The following ZC3H13 variants were observed in gnomAD, a reference collection of about 807,000 sequenced individuals.
The protein encoded by ZC3H13 is zinc finger CCCH domain-containing protein 13.
A neutral mutation model predicts 204.1 loss-of-function variants in ZC3H13; 64 were observed. That is an observed-to-expected ratio of 0.31 (90% CI 0.26 to 0.39). The LOEUF (loss-of-function observed/expected upper bound fraction) is 0.39. ZC3H13 is among the 10% of genes least tolerant of loss of function. ZC3H13 has a pLI of 1.00. For missense variants in ZC3H13, 1,833 were observed against 2,082.7 expected, an observed-to-expected ratio of 0.88 and a Z score of 2.33; for synonymous variants, 667 against 693.7, an observed-to-expected ratio of 0.96 and a Z score of 0.60.
intron 8 of ZC3H13, among the ~76,000 whole-genome samples, chr13:45,998,261 T>C (rs1039596333): frequency 3.3e-5 from 5 of 152,158 alleles, no homozygotes; most frequent in Non-Finnish European, 7.4e-5. Flanking sequence ...CACAGTTAAG[T>C]GAGCCACACA....
rs148680576 is a variant in ZC3H13, at chr13:45,976,108, C to A, written c.1913-270G>T. The A allele has an allele frequency of 1.2e-4, 108 of 895,160 alleles. No homozygotes were observed. The African/African-American group carries it at 1.7e-3, about 14-fold the overall frequency. The allele number at this position is 895,160 out of a possible 1,614,324, so 55.5% of individuals were successfully genotyped here. On this transcript the variant is annotated intron_variant, in intron 11 of 18. Transcript: ENST00000679008. ...CCCCTCCCACTGATCAATCTTTGAT[C>A]TTTCTCTGCATGCTCCCTACCCTAC...
chr13:46,030,329 T>G (rs1470787906), intron 4 of ZC3H13, among the ~76,000 whole-genome samples: 1 of 152,242 alleles, frequency 6.6e-6, no homozygotes. Context: ...AAGGAAAGGA[T>G]GTTCCCTCTC....
At chr13:45,991,511 C>A (rs986724040) in intron 8 of ZC3H13, among the ~76,000 whole-genome samples, 1 of 152,146 alleles carries the variant, frequency 6.6e-6, no homozygotes, top group African/African-American at 2.4e-5. Context: ...GTCTTGAAAT[C>A]TGGTGAAAAT....
chr13:45,984,797 G>T (rs1954024687), intron 10 of ZC3H13, among the ~76,000 whole-genome samples: 1 of 152,136 alleles, frequency 6.6e-6, no homozygotes, highest in Admixed American at 6.5e-5. Flanking sequence ...AGTCATTTGG[G>T]TGATGGCAAA....
At chr13:46,009,859 T>C (rs1176462601) in intron 7 of ZC3H13, among the ~76,000 whole-genome samples, 1 of 152,054 alleles carries the variant, frequency 6.6e-6, no homozygotes, top group African/African-American at 2.4e-5. Context: ...GGAAACAACA[T>C]AAATGTTCCA....
At chr13:46,049,849 T>C (rs917850734) in intron 1 of ZC3H13, among the ~76,000 whole-genome samples, 5 of 152,188 alleles carry the variant, frequency 3.3e-5, no homozygotes, top group Non-Finnish European at 7.4e-5. Context: ...TACTAAAGTC[T>C]TTCCTATCAT....
intron 4 of ZC3H13, among the ~76,000 whole-genome samples, chr13:46,031,430 T>A (rs1440204657): frequency 1.3e-5 from 2 of 151,682 alleles, no homozygotes; most frequent in Non-Finnish European, 2.9e-5. Flanking sequence ...ATGAAAGAAA[T>A]AACTGATAAC....
intron 1 of ZC3H13, among the ~76,000 whole-genome samples, chr13:46,047,299 T>C (rs1290031892): frequency 6.6e-6 from 1 of 152,188 alleles, no homozygotes; most frequent in Non-Finnish European, 1.5e-5. Context: ...TAAAATGTAA[T>C]AATTCTTTTG....
intron 8 of ZC3H13, among the ~76,000 whole-genome samples, chr13:45,998,129 C>T (rs1382451915): frequency 6.6e-6 from 1 of 152,108 alleles, no homozygotes; most frequent in African/African-American, 2.4e-5. Context: ...GGAATTTAGA[C>T]ATTAACCTTT....
At chr13:45,980,405 T>C (rs988161060) in intron 10 of ZC3H13, among the ~76,000 whole-genome samples, 8 of 152,146 alleles carry the variant, frequency 5.3e-5, no homozygotes, top group South Asian at 2.1e-4. Context: ...CATTCCAACA[T>C]AGAACACCAA....
intron 9 of ZC3H13, 27 bp from the exon 10 acceptor site, chr13:45,985,788 G>A: frequency 6.5e-7 from 1 of 1,547,726 alleles, no homozygotes; most frequent in Non-Finnish European, 8.7e-7. Context: ...GAAATTGACT[G>A]TAATTGCTTT....
chr13:46,010,325 A>C, intron 7 of ZC3H13, 23 bp downstream of exon 7: 1 of 1,531,464 alleles, frequency 6.5e-7, no homozygotes. Context: ...TATTTTCTCG[A>C]TACTATTTAT....
In ZC3H13 at chr13:45,967,896, T is replaced by G. The variant is rs1952229119; in HGVS notation, c.3929A>C (p.Glu1310Ala). 1 of 1,614,042 alleles carries G rather than the reference T, an allele frequency of 6.2e-7. No individual in the cohort carries two copies. Among genetic ancestry groups the G allele is most frequent in the Non-Finnish European group, 8.5e-7 (1 of 1,179,964 alleles). ...QERDRYEHDR[E>A]RERERRDTRQ... ...CGTATCTCTCCTCTCTCTCTCGCGC[T>G]CTCTGTCGTGTTCATATCGATCTCG... The change falls in exon 15 of 19, where the codon GAG becomes GCG. Residue 1310 changes from glutamate to alanine, a missense_variant. This residue lies in a region of ZC3H13 where 1,574 missense variants were observed against 1,757.2 expected (regional missense o/e 0.90). Coordinates refer to ENST00000679008, the MANE Select transcript of ZC3H13 (RefSeq NM_001330564.2).
At chr13:46,032,372 A>G (rs536780819) in intron 4 of ZC3H13, among the ~76,000 whole-genome samples, 2,128 of 147,682 alleles carry the variant, frequency 0.014, 59 homozygotes, top group African/African-American at 0.049. Flanking sequence ...CAAAAAAAAA[A>G]AAAAAAACAG....
chr13:46,016,477 A>G (rs2041915702), intron 5 of ZC3H13, among the ~76,000 whole-genome samples: 2 of 152,198 alleles, frequency 1.3e-5, no homozygotes, highest in Non-Finnish European at 2.9e-5. Flanking sequence ...AGCTAGGCAC[A>G]AAAAGAGTAC....
Position 45,985,784 on chromosome 13 carries a change from G to A in ZC3H13, c.1256-23C>T, listed in dbSNP as rs1954130922. 38 of 1,555,882 alleles carry A rather than the reference G, an allele frequency of 2.4e-5. No homozygotes were observed. In the East Asian group the frequency reaches 8.6e-4, roughly 35 times the overall value. On this transcript the variant is annotated intron_variant, in intron 9 of 18. Transcript: ENST00000679008. ...TATCTGTAATGCAATTTTGGAAATT[G>A]ACTGTAATTGCTTTTACAAAGTTTC...
At chr13:45,968,112 C>T (rs1952247441) in intron 14 of ZC3H13, 84 bp from the exon 15 acceptor site, 5 of 1,375,128 alleles carry the variant, frequency 3.6e-6, no homozygotes, top group African/African-American at 2.9e-5. Flanking sequence ...TCCTTTAAAA[C>T]ATAATTTACC....
Position 45,985,588 on chromosome 13 carries a change from G to A in ZC3H13, c.1429C>T (p.Arg477Trp), listed in dbSNP as rs768273440. The A allele has an allele frequency of 1.9e-6, 3 of 1,613,692 alleles. No individual in the cohort carries two copies. The highest frequency in any genetic ancestry group is 2.2e-5 in the East Asian group (1 of 44,830). The change falls in exon 10 of 19, where the codon CGG (arginine) becomes TGG (tryptophan). Residue 477 changes from arginine (R) to tryptophan (W), a missense_variant. By Grantham distance (101) the Arg-to-Trp change is moderately radical. Coordinates refer to ENST00000679008, the MANE Select transcript of ZC3H13 (RefSeq NM_001330564.2). Reference protein sequence around the residue: ...RRELRDSRDMRDSREMRDYSR... With the variant: ...RRELRDSRDMWDSREMRDYSR... ...TAATCTCTCATCTCCCTTGAGTCCC[G>A]CATGTCTCTGGAGTCTCTTAGTTCC...
At chr13:45,983,706 C>T (rs1277577427) in intron 10 of ZC3H13, among the ~76,000 whole-genome samples, 4 of 151,508 alleles carry the variant, frequency 2.6e-5, no homozygotes, top group Non-Finnish European at 5.9e-5. Flanking sequence ...GGATTACAGG[C>T]GTGAGCCACC....
Sources: gnomAD v4.1 joint callset for allele counts (sites outside exome capture counted in the v4.1 genomes callset) on GRCh38, gnomAD v4.1.1 for gene constraint, gnomAD v4.1.1 regional missense constraint, MANE v1.5 for transcripts, NCBI Gene and HGNC (gene_info 2026-07-23, HGNC 2026-07-21) for gene names.